NCOA7: variants seen among roughly 807,000 people sequenced by gnomAD.
NCOA7 encodes nuclear receptor coactivator 7.
A neutral mutation model predicts 104.3 loss-of-function variants in NCOA7; 45 were observed. The observed-to-expected ratio is 0.43, with a 90% CI of 0.34 to 0.55. The LOEUF (loss-of-function observed/expected upper bound fraction) is 0.55. Among genes scored for constraint, NCOA7 ranks in the 20% least tolerant of loss-of-function variants. The pLI is 0.02. For synonymous variants in NCOA7, 398 were observed against 402.3 expected, an observed-to-expected ratio of 0.99 and a Z score of 0.13; for missense variants, 1,041 against 1,119.7, an observed-to-expected ratio of 0.93 and a Z score of 1.00.
At chr6:125,815,014 G>A (rs1401034116) in intron 1 of NCOA7, among the ~76,000 whole-genome samples, 2 of 152,002 alleles carry the variant, frequency 1.3e-5, no homozygotes, top group African/African-American at 4.8e-5. Flanking sequence ...AGTCAGTGAA[G>A]GTTTTTATTT....
chr6:125,844,161 T>C (rs534386540), intron 2 of NCOA7, among the ~76,000 whole-genome samples: 19 of 152,338 alleles, frequency 1.2e-4, no homozygotes, highest in Non-Finnish European at 2.2e-4. Context: ...GCATTCTGTT[T>C]ATCTGTCTTT....
chr6:125,922,952 C>A, intron 13 of NCOA7, 118 bp downstream of exon 13: 1 of 940,858 alleles, frequency 1.1e-6, no homozygotes, highest in Non-Finnish European at 1.5e-6. Flanking sequence ...CAGGATTTTG[C>A]CTTCTGTGTC....
Position 125,919,144 on chromosome 6 carries a change from G to A in NCOA7, c.2245-1799G>A, listed in dbSNP as rs769911375. 1.0e-4 allele frequency: 121 copies of A among 1,172,062 alleles called. 1 individual carries two copies. The highest frequency in any genetic ancestry group is 1.4e-4 in the Non-Finnish European group (119 of 851,852). 72.6% of individuals were successfully genotyped at this position (1,172,062 alleles called of 1,614,324 possible). On this transcript the variant is annotated intron_variant, in intron 11 of 15. Coordinates refer to ENST00000392477, the MANE Select transcript of NCOA7 (RefSeq NM_181782.5). ...ACAGTCTCACAGCGATGCCTGGCAG[G>A]AAGTGTGTTTGCTCTAAATCCTAAT...
At chr6:125,879,182 T>A (rs1783621152) in intron 5 of NCOA7, among the ~76,000 whole-genome samples, 1 of 152,232 alleles carries the variant, frequency 6.6e-6, no homozygotes, top group Admixed American at 6.5e-5. Context: ...TTTACAGAAC[T>A]CTAAACTTTG....
Position 125,858,700 on chromosome 6 carries a change from G to A in NCOA7, c.271+3460G>A, listed in dbSNP as rs796521302. On this transcript the variant is annotated intron_variant, in intron 3 of 15. Coordinates refer to ENST00000392477, the MANE Select transcript of NCOA7 (RefSeq NM_181782.5). ...GAATAACAATGATAGCAACCGGTTT[G>A]GAGGTTTGAGGCATTTCCTCAGGAG... Among the ~76,000 whole-genome samples, 4 of 152,012 alleles carry A rather than the reference G, an allele frequency of 2.6e-5. No individual in the cohort carries two copies. In the South Asian group the frequency reaches 8.3e-4, roughly 32 times the overall value.
At chr6:125,796,276 A>G (rs1210655582) in intron 1 of NCOA7, among the ~76,000 whole-genome samples, 17 of 151,820 alleles carry the variant, frequency 1.1e-4, no homozygotes, top group Admixed American at 1.1e-3. Context: ...TGTAAGATTG[A>G]TAAAAAAAAA....
chr6:125,842,869 T>C (rs958328911), intron 2 of NCOA7, among the ~76,000 whole-genome samples: 3 of 152,228 alleles, frequency 2.0e-5, no homozygotes, highest in Non-Finnish European at 4.4e-5. Flanking sequence ...TTTAGAAATA[T>C]GTTTATTGCT....
chr6:125,867,260 A>T (rs1442360420), intron 3 of NCOA7, among the ~76,000 whole-genome samples: 1 of 152,232 alleles, frequency 6.6e-6, no homozygotes, highest in African/African-American at 2.4e-5. Flanking sequence ...TTACACAGAC[A>T]ATTATGTTAT....
chr6:125,925,386 C>G (rs1787934804), intron 13 of NCOA7, among the ~76,000 whole-genome samples: 1 of 152,206 alleles, frequency 6.6e-6, no homozygotes, highest in Non-Finnish European at 1.5e-5. Context: ...GAGAGCCTTT[C>G]TGGAGACAGG....
At chr6:125,842,950 A>G (rs780032584) in intron 2 of NCOA7, among the ~76,000 whole-genome samples, 13 of 152,208 alleles carry the variant, frequency 8.5e-5, no homozygotes, top group Non-Finnish European at 1.2e-4. Flanking sequence ...AATGATTTAG[A>G]CATAGACACT....
chr6:125,843,800 G>A (rs1461983885), intron 2 of NCOA7, among the ~76,000 whole-genome samples: 4 of 152,026 alleles, frequency 2.6e-5, no homozygotes, highest in African/African-American at 7.2e-5. Context: ...TTTTTAGGCC[G>A]TGACTCAGCA....
chr6:125,861,700 A>C (rs912636998), intron 3 of NCOA7, among the ~76,000 whole-genome samples: 1 of 152,170 alleles, frequency 6.6e-6, no homozygotes, highest in Admixed American at 6.6e-5. Flanking sequence ...GACAAACCTG[A>C]GGTGTGCCCC....
At chr6:125,887,255 G>T (rs940791277) in intron 8 of NCOA7, among the ~76,000 whole-genome samples, 4 of 152,198 alleles carry the variant, frequency 2.6e-5, no homozygotes, top group African/African-American at 9.6e-5. Flanking sequence ...TATGTGGAAA[G>T]TTGGGTTTCT....
At chr6:125,787,595 A>G (rs1371046741), upstream of NCOA7, among the ~76,000 whole-genome samples, 2 of 152,214 alleles carry the variant, frequency 1.3e-5, no homozygotes, top group Non-Finnish European at 2.9e-5. Context: ...TTCCTGCAAA[A>G]GTTAAATGAC....
rs562278798 is a variant in NCOA7 at position 125,785,694 on chromosome 6, T to C, written c.-141-443T>C. 1.3e-3 allele frequency among the ~76,000 whole-genome samples: 196 copies of C among 152,236 alleles called. 1 individual carries two copies. Among genetic ancestry groups the C allele is most frequent in the Non-Finnish European group, 2.4e-3 (163 of 68,030 alleles). On this transcript the variant is annotated intron_variant, in intron 1 of 16. Coordinates refer to the NCOA7 transcript ENST00000368357. ...TTCAGAAAGTGTAAAAACTATGTAA[T>C]GAATTCTCAAGCTACTGAACAGACT...
chr6:125,829,533 T>C (rs1375943398), intron 2 of NCOA7, among the ~76,000 whole-genome samples: 2 of 152,194 alleles, frequency 1.3e-5, no homozygotes, highest in Non-Finnish European at 2.9e-5. Flanking sequence ...TGAGAATAGT[T>C]GGGTGTGCTG....
Position 125,890,651 on chromosome 6 carries a change from C to G in NCOA7, c.1937C>G (p.Pro646Arg). ...RIQVPIEDIL[P>R]SKEEKSKTPP... The stretch of plus-strand genomic sequence containing the variant: ...TTCGTGTGTGATTCAGATATACTTC[C>G]TTCAAAAGAAGAAAAAAGCAAGACC... The change falls in exon 10 of 16, where the codon CCT becomes CGT. Residue 646 changes from proline (P) to arginine (R), a missense_variant. Coordinates refer to ENST00000392477, the MANE Select transcript of NCOA7 (RefSeq NM_181782.5). 1 of 1,611,404 alleles carries G rather than the reference C, an allele frequency of 6.2e-7. No homozygotes were observed. Among genetic ancestry groups the G allele is most frequent in the African/African-American group, 1.3e-5 (1 of 74,760 alleles).
chr6:125,909,390 A>G (rs1273683046), intron 10 of NCOA7, among the ~76,000 whole-genome samples: 1 of 152,224 alleles, frequency 6.6e-6, no homozygotes, highest in African/African-American at 2.4e-5. Context: ...GTGGGTGCCC[A>G]GGAAGTGTTG....
chr6:125,883,392 C>T (rs1023990115), intron 7 of NCOA7, among the ~76,000 whole-genome samples: 1 of 152,074 alleles, frequency 6.6e-6, no homozygotes, highest in African/African-American at 2.4e-5. Flanking sequence ...TACAGTTCAC[C>T]CAATTACAGT....
Sources: gnomAD v4.1 joint callset for allele counts (sites outside exome capture counted in the v4.1 genomes callset) on GRCh38, gnomAD v4.1.1 for gene constraint, MANE v1.5 for transcripts, NCBI Gene and HGNC (gene_info 2026-07-23, HGNC 2026-07-21) for gene names.